The following CORO2B variants were observed in gnomAD, a reference collection of about 807,000 sequenced individuals.
CORO2B encodes coronin 2B, also known as coronin-2B.
CORO2B carries 26 observed loss-of-function variants against 58.8 expected under a neutral mutation model. The observed-to-expected ratio is 0.44, with a 90% CI of 0.32 to 0.61. The LOEUF (loss-of-function observed/expected upper bound fraction) is 0.61. Ranked by LOEUF, CORO2B falls within the 20% of genes least tolerant of loss-of-function variation. The pLI is 0.04. For synonymous variants in CORO2B, 242 were observed against 253.8 expected (o/e 0.95, Z 0.44); for missense variants, 460 against 645.1 (o/e 0.71, Z 3.11).
intron 1 of CORO2B, among the ~76,000 whole-genome samples, chr15:68,597,068 A>T (rs953435307): frequency 1.3e-5 from 2 of 151,974 alleles, no homozygotes; most frequent in Non-Finnish European, 2.9e-5. Context: ...TTTGAGCAGA[A>T]GCATATATAT....
chr15:68,626,396 C>T (rs1900683534), intron 1 of CORO2B, among the ~76,000 whole-genome samples: 1 of 151,624 alleles, frequency 6.6e-6, no homozygotes, highest in Non-Finnish European at 1.5e-5. Context: ...TAATTTAGAA[C>T]ATGCTTAATC....
chr15:68,705,003 A>G (rs1162013537), intron 3 of CORO2B, among the ~76,000 whole-genome samples: 1 of 152,076 alleles, frequency 6.6e-6, no homozygotes, highest in Non-Finnish European at 1.5e-5. Flanking sequence ...ATACTAAGGG[A>G]TTGGAATTCC....
chr15:68,525,177 A>T, the CORO2B span, among the ~76,000 whole-genome samples: 1 of 152,218 alleles, frequency 6.6e-6, no homozygotes, highest in Non-Finnish European at 1.5e-5. Context: ...CTGACATCAT[A>T]TAACAGTTAA....
chr15:68,587,073 C>CACAT (rs1377826975), intron 1 of CORO2B, among the ~76,000 whole-genome samples: 36 of 151,306 alleles, frequency 2.4e-4, no homozygotes, highest in African/African-American at 8.3e-4. Flanking sequence ...CACACACACA[C>CACAT]ACACACACAC....
the CORO2B span, among the ~76,000 whole-genome samples, chr15:68,522,513 A>T: frequency 6.6e-6 from 1 of 152,036 alleles, no homozygotes; most frequent in Non-Finnish European, 1.5e-5. Flanking sequence ...GCAGTGGCAC[A>T]GTCTCAGCTC....
rs1367462867 is a variant in CORO2B, at chr15:68,636,945, TCTAA to T, written c.16-8212_16-8209del. Among the ~76,000 whole-genome samples the T allele has an allele frequency of 3.9e-5, 6 of 152,200 alleles. No individual in the cohort carries two copies. In the East Asian group the frequency reaches 5.8e-4, roughly 15 times the overall value. ...TATTGAGCACTTGATATGTGGTTAG[TCTAA>T]CTGAGGAGGAGTTTTCAATTTAATT... On this transcript the variant is annotated intron_variant, in intron 1 of 11. Coordinates refer to ENST00000261861, the MANE Select transcript of CORO2B (RefSeq NM_006091.5).
At chr15:68,679,808 C>T (rs1205857782) in intron 2 of CORO2B, among the ~76,000 whole-genome samples, 1 of 152,234 alleles carries the variant, frequency 6.6e-6, no homozygotes, top group Non-Finnish European at 1.5e-5. Flanking sequence ...GACTGGTCAT[C>T]TCAGCATGGG....
rs142396718 is a variant in CORO2B, at chr15:68,587,717, T to G, written c.15+8440T>G. 3.0e-4 allele frequency among the ~76,000 whole-genome samples: 45 copies of G among 152,342 alleles called. No homozygotes were observed. The East Asian group carries it at 7.7e-3, about 26-fold the overall frequency. ...ATATGTTTTATATGTATTAATTCATTTAAGCTTCATGACAGCCTATGAAGT... is the reference window on the plus strand; with the variant it reads ...ATATGTTTTATATGTATTAATTCATGTAAGCTTCATGACAGCCTATGAAGT... On this transcript the variant is annotated intron_variant, in intron 1 of 11. Transcript: ENST00000261861.
intron 2 of CORO2B, among the ~76,000 whole-genome samples, chr15:68,647,479 C>T (rs765631038): frequency 2.4e-4 from 36 of 151,814 alleles, no homozygotes; most frequent in African/African-American, 6.5e-4. Flanking sequence ...CACCTGAGGT[C>T]GAGAGTTTGA....
the CORO2B span, among the ~76,000 whole-genome samples, chr15:68,559,885 G>C: frequency 6.6e-6 from 1 of 152,270 alleles, no homozygotes; most frequent in Non-Finnish European, 1.5e-5. This position sits in a 1 kb window ranked among gnomAD's most constrained non-coding sequence, Gnocchi z 4.3. Context: ...CTCTTGGCAT[G>C]TGTGCCGGTT....
At chr15:68,580,009 G>A (rs968558413) in intron 1 of CORO2B, among the ~76,000 whole-genome samples, 2 of 152,236 alleles carry the variant, frequency 1.3e-5, no homozygotes, top group African/African-American at 4.8e-5. Context: ...AGATGATGGG[G>A]CAGTGGAAAG....
At position 68,587,047 on chromosome 15, in the gene CORO2B, TATACACACACACACACACACAC is replaced by T. The variant is rs1226254468; in HGVS notation, c.15+7772_15+7793del. Among the ~76,000 whole-genome samples, 134 of 141,832 alleles carry T rather than the reference TATACACACACACACACACACAC, an allele frequency of 9.4e-4. 3 individuals carry two copies. The East Asian group carries it at 0.017, about 18-fold the overall frequency. The allele number at this position is 141,832 out of a possible 152,430, so 93.0% of individuals were successfully genotyped here. ...TAAAGTCAAACTATAGGGAGATATG[TATACACACACACACACACACAC>T]ACACACACACACACACACACACACA... On this transcript the variant is annotated intron_variant, in intron 1 of 11. Transcript: ENST00000261861.
At chr15:68,588,173 G>T (rs1899615934) in intron 1 of CORO2B, among the ~76,000 whole-genome samples, 1 of 152,094 alleles carries the variant, frequency 6.6e-6, no homozygotes, top group African/African-American at 2.4e-5. Context: ...GTATTTCAAG[G>T]CCCTCAGATT....
the CORO2B span, among the ~76,000 whole-genome samples, chr15:68,554,087 GACA>G: frequency 1.4e-4 from 21 of 152,198 alleles, no homozygotes; most frequent in Non-Finnish European, 1.5e-5. Context: ...GAGAGGCGGT[GACA>G]GGGCCCCCTT....
chr15:68,616,804 G>A (rs1900372141), intron 1 of CORO2B, among the ~76,000 whole-genome samples: 1 of 152,208 alleles, frequency 6.6e-6, no homozygotes, highest in African/African-American at 2.4e-5. Flanking sequence ...GTGCCAAACT[G>A]GATTTGGTTC....
chr15:68,695,332 C>A, intron 3 of CORO2B, 76 bp downstream of exon 3: 2 of 996,858 alleles, frequency 2.0e-6, no homozygotes, highest in Admixed American at 1.7e-5. Context: ...CTCTTCCTAC[C>A]CTCCCCTCCT....
At chr15:68,580,857 C>G (rs1352536526) in intron 1 of CORO2B, among the ~76,000 whole-genome samples, 3 of 152,162 alleles carry the variant, frequency 2.0e-5, no homozygotes, top group African/African-American at 7.2e-5. Context: ...CGAGCTCATG[C>G]AGCCTTCCTT....
intron 1 of CORO2B, among the ~76,000 whole-genome samples, chr15:68,623,261 CT>C (rs1022467282): frequency 1.3e-5 from 2 of 152,200 alleles, no homozygotes; most frequent in African/African-American, 4.8e-5. Flanking sequence ...CGGCCCGGCT[CT>C]TTTAAGCCCG....
chr15:68,536,240 G>A, the CORO2B span, among the ~76,000 whole-genome samples: 2,140 of 152,238 alleles, frequency 0.014, 58 homozygotes, highest in African/African-American at 0.048. Flanking sequence ...CTCCATGTAC[G>A]TTGGCTGGTA....
Sources: allele counts gnomAD v4.1 joint callset (sites outside exome capture counted in the v4.1 genomes callset), GRCh38; gene constraint gnomAD v4.1.1; non-coding constraint Gnocchi (gnomAD v3.1); transcripts MANE v1.5; gene names NCBI Gene and HGNC (gene_info 2026-07-23, HGNC 2026-07-21).